Variants in PXDNL observed in about 807,000 individuals in gnomAD.
PXDNL encodes the protein peroxidasin like, also known as probable oxidoreductase PXDNL.
PXDNL carries 145 observed loss-of-function variants against 150.8 expected under a neutral mutation model. That is an observed-to-expected ratio of 0.96 (90% CI 0.84 to 1.10). The LOEUF is 1.10. PXDNL is among the 50% of genes least tolerant of loss of function. The pLI, the probability that PXDNL is intolerant of heterozygous loss-of-function variation, is 0.00. For missense variants in PXDNL, 2,087 were observed against 1,873.9 expected (o/e 1.11, Z -2.10); for synonymous variants, 757 against 725.7 (o/e 1.04, Z -0.69).
intron 2 of PXDNL, among the ~76,000 whole-genome samples, chr8:51,640,607 G>T (rs1401325849): frequency 3.3e-5 from 5 of 152,120 alleles, no homozygotes; most frequent in African/African-American, 1.2e-4. Flanking sequence ...ATTCACAATT[G>T]CTTCAAAGAG....
chr8:51,566,843 CT>C (rs1194484497), intron 3 of PXDNL, among the ~76,000 whole-genome samples: 3 of 150,458 alleles, frequency 2.0e-5, no homozygotes, highest in Admixed American at 6.7e-5. Flanking sequence ...TTTTATATTG[CT>C]TTTTTTTCTC....
At chr8:51,541,377 G>A (rs1812214089) in intron 4 of PXDNL, among the ~76,000 whole-genome samples, 1 of 152,068 alleles carries the variant, frequency 6.6e-6, no homozygotes, top group African/African-American at 2.4e-5. Flanking sequence ...CTTCATAATA[G>A]GGCTCATATA....
In PXDNL at chr8:51,714,308, C is replaced by A. The variant is rs11778618; in HGVS notation, c.165-59548G>T. ...TTGCACTTTAATGAATTCAAGACATCATTTCTCTGTTTTAGTAATATTGCT... is the reference window on the plus strand; with the variant it reads ...TTGCACTTTAATGAATTCAAGACATAATTTCTCTGTTTTAGTAATATTGCT... On this transcript the variant is annotated intron_variant, in intron 1 of 22. Coordinates refer to ENST00000356297, the MANE Select transcript of PXDNL (RefSeq NM_144651.5). Among the ~76,000 whole-genome samples, 1,484 of 152,294 alleles carry A rather than the reference C, an allele frequency of 9.7e-3. 10 individuals carry two copies. Among genetic ancestry groups the A allele is most frequent in the Admixed American group, 0.016 (246 of 15,298 alleles).
intron 4 of PXDNL, among the ~76,000 whole-genome samples, chr8:51,514,518 TTATGA>T (rs1483713686): frequency 6.6e-6 from 1 of 152,228 alleles, no homozygotes; most frequent in Non-Finnish European, 1.5e-5. Flanking sequence ...ATTCAAATGT[TTATGA>T]TATAATTATC....
intron 1 of PXDNL, among the ~76,000 whole-genome samples, chr8:51,663,549 G>C (rs1391704862): frequency 6.6e-6 from 1 of 152,158 alleles, no homozygotes; most frequent in African/African-American, 2.4e-5. Context: ...GTTGACAGGG[G>C]TATGCGGCCA....
chr8:51,376,760 C>A (rs1467863253), intron 17 of PXDNL, among the ~76,000 whole-genome samples: 2 of 151,740 alleles, frequency 1.3e-5, no homozygotes, highest in African/African-American at 4.8e-5. Flanking sequence ...ACTCTGTCCC[C>A]CAGGCTGGAG....
At chr8:51,742,354 A>G (rs1258007996) in intron 1 of PXDNL, among the ~76,000 whole-genome samples, 1 of 152,206 alleles carries the variant, frequency 6.6e-6, no homozygotes, top group Non-Finnish European at 1.5e-5. Flanking sequence ...AAAGCTGAGT[A>G]GAACTAAACT....
chr8:51,687,108 T>C (rs149286671), intron 1 of PXDNL, among the ~76,000 whole-genome samples: 1 of 152,158 alleles, frequency 6.6e-6, no homozygotes, highest in East Asian at 1.9e-4. Context: ...GGTAAAAGTT[T>C]AAATAATAAT....
intron 14 of PXDNL, among the ~76,000 whole-genome samples, chr8:51,415,874 GAATC>G (rs1220273326): frequency 3.2e-4 from 49 of 152,158 alleles, no homozygotes; most frequent in African/African-American, 1.2e-3. Context: ...ACCAATTGAG[GAATC>G]AATCAATATA....
At chr8:51,423,033 C>T (rs1418216805) in intron 14 of PXDNL, among the ~76,000 whole-genome samples, 2 of 152,190 alleles carry the variant, frequency 1.3e-5, no homozygotes, top group South Asian at 2.1e-4. Context: ...ATATAATCAA[C>T]CTGCAGAGGG....
chr8:51,650,212 A>T (rs1034067882), intron 2 of PXDNL, among the ~76,000 whole-genome samples: 51 of 152,238 alleles, frequency 3.4e-4, no homozygotes, highest in Middle Eastern at 3.4e-3. Context: ...TTATATACAG[A>T]CAAAGTCAAG....
chr8:51,401,373 G>A (rs1808243793), intron 17 of PXDNL, among the ~76,000 whole-genome samples: 1 of 152,144 alleles, frequency 6.6e-6, no homozygotes, highest in African/African-American at 2.4e-5. Context: ...TAAGGAGATA[G>A]GAGATCTGAG....
At chr8:51,773,391 A>G (rs1247370479) in intron 1 of PXDNL, among the ~76,000 whole-genome samples, 1 of 152,186 alleles carries the variant, frequency 6.6e-6, no homozygotes, top group Non-Finnish European at 1.5e-5. Context: ...CAGGACACAG[A>G]CACAGGCTTC....
At chr8:51,502,393 A>AAAGCCACAAAGCCAATCAATGGTAAATCC (rs1811205679) in intron 4 of PXDNL, among the ~76,000 whole-genome samples, 1 of 152,180 alleles carries the variant, frequency 6.6e-6, no homozygotes, top group East Asian at 1.9e-4. Context: ...GAAAGTGCCC[A>AAAGCCACAAAGCCAATCAATGGTAAATCC]AAGCCACAAA....
intron 2 of PXDNL, among the ~76,000 whole-genome samples, chr8:51,615,048 A>C (rs914061133): frequency 1.3e-5 from 2 of 152,196 alleles, no homozygotes; most frequent in Non-Finnish European, 2.9e-5. Context: ...ATAGAAAATC[A>C]AATGCAGATT....
At chr8:51,792,437 G>A (rs1475460931) in intron 1 of PXDNL, among the ~76,000 whole-genome samples, 1 of 152,194 alleles carries the variant, frequency 6.6e-6, no homozygotes, top group African/African-American at 2.4e-5. Context: ...ATCCTCGTGA[G>A]CCCACACCAC....
chr8:51,384,346 T>C (rs903744254), intron 17 of PXDNL, among the ~76,000 whole-genome samples: 6 of 151,210 alleles, frequency 4.0e-5, no homozygotes, highest in African/African-American at 1.5e-4. Flanking sequence ...AATAATCTTA[T>C]GGTTACCAGC....
intron 1 of PXDNL, among the ~76,000 whole-genome samples, chr8:51,668,338 C>A (rs546454513): frequency 6.6e-6 from 1 of 151,780 alleles, no homozygotes; most frequent in Non-Finnish European, 1.5e-5. Flanking sequence ...CCACACCTGG[C>A]TAATTTCTAT....
rs1029094024 is a variant in PXDNL at position 51,376,652 on chromosome 8, T to C, written c.3558-1921A>G. Among the ~76,000 whole-genome samples the C allele has an allele frequency of 7.2e-5, 11 of 152,202 alleles. No homozygotes were observed. The East Asian group carries it at 2.1e-3, about 29-fold the overall frequency. On this transcript the variant is annotated intron_variant, in intron 17 of 22. Transcript: ENST00000356297. The stretch of plus-strand genomic sequence containing the variant: ...CTTTCACTACAGGGAAGTGCAGTCT[T>C]TTTGATGTCTGTTCTGGTGGTGATG...
Sources: gnomAD v4.1 joint callset for allele counts (sites outside exome capture counted in the v4.1 genomes callset) on GRCh38, gnomAD v4.1.1 for gene constraint, MANE v1.5 for transcripts, NCBI Gene and HGNC (gene_info 2026-07-23, HGNC 2026-07-21) for gene names.